Variants in FOCAD observed in about 807,000 individuals in gnomAD.
The protein encoded by FOCAD is focadhesin, also known as KIAA1797.
FOCAD carries 198 observed loss-of-function variants against 225.6 expected under a neutral mutation model. The ratio of observed to expected loss-of-function variants is 0.88; its 90% CI spans 0.78 to 0.99. The LOEUF (loss-of-function observed/expected upper bound fraction) is 0.99. Among genes scored for constraint, FOCAD ranks in the 50% least tolerant of loss-of-function variants. The pLI, the probability that FOCAD is intolerant of heterozygous loss-of-function variation, is 0.00. For synonymous variants in FOCAD, 897 were observed against 755.0 expected (o/e 1.19, Z -3.08); for missense variants, 2,713 against 2,123.6 (o/e 1.28, Z -5.46).
At chr9:20,737,847 A>G (rs1205874031) in intron 4 of FOCAD, among the ~76,000 whole-genome samples, 2 of 152,158 alleles carry the variant, frequency 1.3e-5, no homozygotes, top group Non-Finnish European at 2.9e-5. Context: ...GATCCCATAG[A>G]CCTTCAGAGG....
intron 10 of FOCAD, among the ~76,000 whole-genome samples, chr9:20,788,327 G>A (rs925957783): frequency 7.9e-5 from 12 of 152,112 alleles, no homozygotes; most frequent in African/African-American, 2.9e-4. Context: ...GTGACTATCA[G>A]TGGGTATGGG....
intron 1 of FOCAD, among the ~76,000 whole-genome samples, chr9:20,707,395 A>G (rs1360714231): frequency 6.6e-6 from 1 of 152,210 alleles, no homozygotes; most frequent in African/African-American, 2.4e-5. Context: ...TTTATGAATC[A>G]TATACAGTTG....
At chr9:20,743,646 C>G (rs1166761428) in intron 5 of FOCAD, among the ~76,000 whole-genome samples, 3 of 152,150 alleles carry the variant, frequency 2.0e-5, no homozygotes, top group Non-Finnish European at 4.4e-5. Context: ...ATAAGAACCA[C>G]TGGGGCAGCG....
intron 15 of FOCAD, among the ~76,000 whole-genome samples, chr9:20,823,723 A>G (rs1824574121): frequency 1.3e-5 from 2 of 152,126 alleles, no homozygotes; most frequent in African/African-American, 4.8e-5. Context: ...TGACTTAGTG[A>G]ACATATATAC....
chr9:20,821,104 C>T (rs780088418), intron 14 of FOCAD, 33 bp downstream of exon 14: 24 of 1,585,508 alleles, frequency 1.5e-5, no homozygotes, highest in South Asian at 9.2e-5. Flanking sequence ...GAATGTATAT[C>T]ATGATATATT....
At chr9:20,989,526 A>C (rs1049779835) in intron 41 of FOCAD, among the ~76,000 whole-genome samples, 1 of 152,174 alleles carries the variant, frequency 6.6e-6, no homozygotes, top group African/African-American at 2.4e-5. Context: ...GGTGTTTAAA[A>C]TGCATGAAGA....
intron 28 of FOCAD, among the ~76,000 whole-genome samples, chr9:20,933,561 G>A (rs767279412): frequency 4.0e-5 from 6 of 150,946 alleles, no homozygotes; most frequent in East Asian, 1.9e-4. Flanking sequence ...GTATTCCATC[G>A]TGTGTGTGTA....
At chr9:20,780,017 A>T (rs7033259) in intron 9 of FOCAD, among the ~76,000 whole-genome samples, 82,980 of 152,030 alleles carry the variant, frequency 0.55, 23,335 homozygotes, top group Non-Finnish European at 0.61. Context: ...GATCTACCCA[A>T]AGGTATAATT....
intron 19 of FOCAD, among the ~76,000 whole-genome samples, chr9:20,877,652 A>G (rs1240248259): frequency 6.6e-6 from 1 of 152,168 alleles, no homozygotes; most frequent in African/African-American, 2.4e-5. Context: ...GTCACCGGAA[A>G]TACTCTGATG....
chr9:20,837,831 C>T (rs373300272), intron 15 of FOCAD, among the ~76,000 whole-genome samples: 66 of 152,126 alleles, frequency 4.3e-4, no homozygotes, highest in African/African-American at 1.3e-3. Context: ...AAGAACAAGA[C>T]CATCCCACCT....
chr9:20,860,756 C>T (rs935996558), intron 15 of FOCAD, among the ~76,000 whole-genome samples: 1 of 152,218 alleles, frequency 6.6e-6, no homozygotes, highest in Non-Finnish European at 1.5e-5. Flanking sequence ...AGTGATCCAC[C>T]CACCTCGGCC....
intron 9 of FOCAD, among the ~76,000 whole-genome samples, chr9:20,779,589 A>T (rs190846149): frequency 3.3e-5 from 5 of 152,226 alleles, no homozygotes; most frequent in African/African-American, 1.2e-4. Context: ...TTCTACTAAA[A>T]ATACAAAAAA....
At chr9:20,663,076 A>G (rs1821783133) in intron 2 of FOCAD, among the ~76,000 whole-genome samples, 1 of 152,158 alleles carries the variant, frequency 6.6e-6, no homozygotes, top group South Asian at 2.1e-4. Context: ...ATATCAAGGA[A>G]CAGTGGCTAT....
intron 1 of FOCAD, among the ~76,000 whole-genome samples, chr9:20,703,220 G>C (rs750336439): frequency 4.6e-5 from 7 of 152,152 alleles, no homozygotes; most frequent in Non-Finnish European, 8.8e-5. Flanking sequence ...GAGGGAACAT[G>C]TGAAGGGAGA....
chr9:20,761,257 G>C (rs764562759), intron 6 of FOCAD, among the ~76,000 whole-genome samples: 2 of 152,036 alleles, frequency 1.3e-5, no homozygotes, highest in Non-Finnish European at 2.9e-5. Flanking sequence ...ATTTGAGAAT[G>C]GTGCAAATTG....
intron 2 of FOCAD, among the ~76,000 whole-genome samples, chr9:20,669,246 A>G (rs1489392961): frequency 6.6e-6 from 1 of 152,112 alleles, no homozygotes; most frequent in Non-Finnish European, 1.5e-5. Flanking sequence ...GGCCCTCCTT[A>G]GATTTATTTT....
chr9:20,664,249 A>G (rs1224597906), intron 2 of FOCAD, among the ~76,000 whole-genome samples: 1 of 150,506 alleles, frequency 6.6e-6, no homozygotes, highest in Non-Finnish European at 1.5e-5. Flanking sequence ...ATTTATATCT[A>G]TTTGTGAGAC....
chr9:20,953,803 C>CTAGGTCAGTCTTCCTTGGT (rs1309413715), intron 35 of FOCAD, among the ~76,000 whole-genome samples: 3 of 152,070 alleles, frequency 2.0e-5, no homozygotes, highest in African/African-American at 7.3e-5. Flanking sequence ...TCTTCCTTGG[C>CTAGGTCAGTCTTCCTTGGT]TAGGTCAGTC....
chr9:20,990,525 C>T (rs1050111361), intron 42 of FOCAD, 151 bp downstream of exon 42: 7 of 1,023,252 alleles, frequency 6.8e-6, no homozygotes, highest in Admixed American at 2.8e-5. Flanking sequence ...TGCAGAGTCT[C>T]AGAGATTGAG....
Sources: allele counts gnomAD v4.1 joint callset (sites outside exome capture counted in the v4.1 genomes callset), GRCh38; gene constraint gnomAD v4.1.1; transcripts MANE v1.5; gene names NCBI Gene and HGNC (gene_info 2026-07-23, HGNC 2026-07-21).